CREBBP: variants seen among roughly 807,000 people sequenced by gnomAD.
CREBBP encodes the protein CREB-binding protein.
In CREBBP, 19 loss-of-function variants were observed where a neutral mutation model predicts 265.0. The observed-to-expected ratio is 0.07, with a 90% CI of 0.05 to 0.11. The LOEUF is 0.11. Among genes scored for constraint, CREBBP ranks in the 10% least tolerant of loss-of-function variants. The probability of loss-of-function intolerance (pLI) is 1.00; values close to 1 mark genes in which losing one functional copy is unlikely to be tolerated. For synonymous variants in CREBBP, 1,457 were observed against 1,223.7 expected (o/e 1.19, Z -3.98); for missense variants, 2,525 against 3,219.0 (o/e 0.78, Z 5.22).
chr16:3,805,712 G>A (rs1474751502), intron 3 of CREBBP, among the ~76,000 whole-genome samples: 1 of 152,196 alleles, frequency 6.6e-6, no homozygotes, highest in Non-Finnish European at 1.5e-5. Flanking sequence ...AAGTACTAAA[G>A]TGGACATGAA....
In CREBBP at chr16:3,728,380, C is replaced by G. The variant is rs1483012656; in HGVS notation, c.6667G>C (p.Gly2223Arg). The G allele has an allele frequency of 6.2e-7, 1 of 1,613,552 alleles. No individual in the cohort carries two copies. Among genetic ancestry groups the G allele is most frequent in the Non-Finnish European group, 8.5e-7 (1 of 1,179,764 alleles). Residue 2223 changes from glycine to arginine, a missense_variant, in exon 31 of 31, where the codon GGG becomes CGG. Physicochemically the swap from Gly to Arg is moderately radical, Grantham distance 125 (BLOSUM62 -2). This residue lies in a region of CREBBP where 473 missense variants were observed against 459.3 expected (regional missense o/e 1.03). Transcript: ENST00000262367. The surrounding 1 kb of genome is among the most constrained non-coding windows in gnomAD (Gnocchi z 8.7). ...AACTGGCCGTGCCCCGCCATGCCCCCAGCCATGCCGGCACTCCCTTGCTGC... is the reference window on the plus strand; with the variant it reads ...AACTGGCCGTGCCCCGCCATGCCCCGAGCCATGCCGGCACTCCCTTGCTGC... ...QQQQGSAGMA[G>R]GMAGHGQFQQ... is the part of the protein sequence containing the mutation.
intron 1 of CREBBP, among the ~76,000 whole-genome samples, chr16:3,875,468 G>C (rs1205831494): frequency 1.3e-5 from 2 of 152,156 alleles, no homozygotes; most frequent in East Asian, 3.8e-4. Flanking sequence ...ACGTCACGCT[G>C]AGGATAACAC....
At chr16:3,762,962 G>C (rs926219936) in intron 16 of CREBBP, among the ~76,000 whole-genome samples, 2 of 151,870 alleles carry the variant, frequency 1.3e-5, no homozygotes, top group Admixed American at 6.6e-5. Flanking sequence ...TTTTAGTAGA[G>C]ACAGGGTTTC....
intron 1 of CREBBP, among the ~76,000 whole-genome samples, chr16:3,866,737 A>G (rs1355633379): frequency 6.6e-6 from 1 of 152,182 alleles, no homozygotes; most frequent in Non-Finnish European, 1.5e-5. Flanking sequence ...AACAATTTCT[A>G]GAGATTCCCT....
chr16:3,737,757 T>A (rs191985552), intron 26 of CREBBP, among the ~76,000 whole-genome samples: 2 of 150,690 alleles, frequency 1.3e-5, no homozygotes, highest in African/African-American at 4.9e-5. Context: ...GTGAGCCAAT[T>A]TTTTTTTGTA....
At chr16:3,822,678 A>G (rs879440692) in intron 2 of CREBBP, among the ~76,000 whole-genome samples, 3 of 152,234 alleles carry the variant, frequency 2.0e-5, no homozygotes, top group Non-Finnish European at 4.4e-5. Flanking sequence ...AATGCCATAA[A>G]TCTAAAAGTG....
rs779996604 is a variant in CREBBP, at chr16:3,728,499, G to A, written c.6548C>T (p.Ala2183Val). ...IMNPGHNPNM[A>V]SMNPQYREML... is the part of the protein sequence containing the mutation. Reference sequence around the variant, plus strand: ...TTCTCGGTACTGTGGATTCATACTCGCCATGTTGGGGTTGTGTCCTGGGTT... The same window carrying A: ...TTCTCGGTACTGTGGATTCATACTCACCATGTTGGGGTTGTGTCCTGGGTT... Residue 2183 changes from alanine (A) to valine (V), a missense_variant, in exon 31 of 31, where the codon GCG (alanine) becomes GTG (valine). Ala to Val is a moderately conservative substitution (Grantham distance 64, BLOSUM62 0). Coordinates refer to ENST00000262367, the MANE Select transcript of CREBBP (RefSeq NM_004380.3). The surrounding 1 kb of genome is among the most constrained non-coding windows in gnomAD (Gnocchi z 8.7). 2.0e-5 allele frequency: 32 copies of A among 1,613,868 alleles called. No individual in the cohort carries two copies. In the African/African-American group the frequency reaches 2.7e-4, roughly 13 times the overall value.
chr16:3,818,617 C>T (rs186725492), intron 2 of CREBBP, among the ~76,000 whole-genome samples: 1 of 152,268 alleles, frequency 6.6e-6, no homozygotes, highest in Non-Finnish European at 1.5e-5. Context: ...AGCCACCGCA[C>T]CTGGCCTTAA....
intron 3 of CREBBP, among the ~76,000 whole-genome samples, chr16:3,809,580 G>C (rs555004976): frequency 2.6e-5 from 4 of 152,094 alleles, no homozygotes; most frequent in African/African-American, 9.7e-5. Flanking sequence ...TAAATAAAGA[G>C]ATCTGGCTCT....
At chr16:3,790,675 C>T (rs985471841) in intron 5 of CREBBP, among the ~76,000 whole-genome samples, 5 of 152,122 alleles carry the variant, frequency 3.3e-5, no homozygotes, top group African/African-American at 1.2e-4. Flanking sequence ...AAAGGAAACT[C>T]GTTGTGGTTC....
chr16:3,840,175 TTTGTG>T (rs1287232965), intron 2 of CREBBP, among the ~76,000 whole-genome samples: 1 of 152,232 alleles, frequency 6.6e-6, no homozygotes, highest in African/African-American at 2.4e-5. Context: ...CCCTTATTTC[TTTGTG>T]TTAAGAATCA....
At chr16:3,816,665 C>T (rs986783059) in intron 2 of CREBBP, among the ~76,000 whole-genome samples, 3 of 152,148 alleles carry the variant, frequency 2.0e-5, no homozygotes, top group African/African-American at 4.8e-5. Flanking sequence ...ATGGGTACCA[C>T]GGAAAGTACA....
chr16:3,823,459 G>A (rs1247996747), intron 2 of CREBBP, among the ~76,000 whole-genome samples: 1 of 152,144 alleles, frequency 6.6e-6, no homozygotes, highest in African/African-American at 2.4e-5. Context: ...CCTTATACCT[G>A]TGGCTAGAAG....
chr16:3,877,781 T>C (rs2055434609), intron 1 of CREBBP, among the ~76,000 whole-genome samples: 3 of 152,248 alleles, frequency 2.0e-5, no homozygotes, highest in Non-Finnish European at 4.4e-5. Flanking sequence ...AATAGTGTGA[T>C]GGTGATGAAT....
At chr16:3,815,550 A>AAT (rs1491515471) in intron 2 of CREBBP, among the ~76,000 whole-genome samples, 106 of 134,826 alleles carry the variant, frequency 7.9e-4, no homozygotes, top group African/African-American at 2.9e-3. Context: ...AAAAAAAAAA[A>AAT]TTTTTTTTTT....
chr16:3,774,505 T>G (rs982374916), intron 12 of CREBBP, 64 bp downstream of exon 12: 2 of 1,608,160 alleles, frequency 1.2e-6, no homozygotes, highest in African/African-American at 2.7e-5. Context: ...TGAATTCTGC[T>G]GCTTAGATAA....
At chr16:3,877,460 T>C (rs1280715178) in intron 1 of CREBBP, among the ~76,000 whole-genome samples, 1 of 152,250 alleles carries the variant, frequency 6.6e-6, no homozygotes, top group East Asian at 1.9e-4. Flanking sequence ...TGGAGTGCAG[T>C]GGCGCGATCT....
intron 2 of CREBBP, among the ~76,000 whole-genome samples, chr16:3,843,150 T>C (rs530625121): frequency 7.1e-4 from 108 of 152,266 alleles, no homozygotes; most frequent in African/African-American, 2.5e-3. Context: ...ACAGGCTGCA[T>C]TGCATTAGTG....
At chr16:3,878,657 T>A (rs1195526806) in intron 1 of CREBBP, among the ~76,000 whole-genome samples, 2 of 152,246 alleles carry the variant, frequency 1.3e-5, no homozygotes, top group Non-Finnish European at 2.9e-5. Flanking sequence ...CTGTGTCTAG[T>A]GCAAATCTGA....
Sources: gnomAD v4.1 joint callset for allele counts (sites outside exome capture counted in the v4.1 genomes callset) on GRCh38, gnomAD v4.1.1 for gene constraint, gnomAD v4.1.1 regional missense constraint, Gnocchi (gnomAD v3.1) non-coding constraint, MANE v1.5 for transcripts, NCBI Gene and HGNC (gene_info 2026-07-23, HGNC 2026-07-21) for gene names.